NLGN1: variants seen among roughly 807,000 people sequenced by gnomAD.
The protein encoded by NLGN1 is neuroligin 1, also known as neuroligin-1.
NLGN1 carries 12 observed loss-of-function variants against 65.5 expected under a neutral mutation model. That is an observed-to-expected ratio of 0.18 (90% CI 0.12 to 0.30). The LOEUF is 0.30. NLGN1 is among the 10% of genes least tolerant of loss of function. The pLI is 1.00. For synonymous variants in NLGN1, 350 were observed against 359.5 expected, an observed-to-expected ratio of 0.97 and a Z score of 0.30; for missense variants, 750 against 1,007.1, an observed-to-expected ratio of 0.74 and a Z score of 3.46.
intron 4 of NLGN1, among the ~76,000 whole-genome samples, chr3:174,141,164 T>G (rs1253056288): frequency 6.6e-6 from 1 of 152,170 alleles, no homozygotes; most frequent in Non-Finnish European, 1.5e-5. Flanking sequence ...GTAATAGTTT[T>G]TACACTGTTT....
intron 4 of NLGN1, among the ~76,000 whole-genome samples, chr3:174,163,906 T>C (rs981493546): frequency 1.4e-4 from 21 of 152,104 alleles, no homozygotes; most frequent in African/African-American, 4.8e-4. Flanking sequence ...CAAGTGCATG[T>C]GTCTTTTTGG....
chr3:173,883,279 C>T (rs1360395398), intron 4 of NLGN1, among the ~76,000 whole-genome samples: 1 of 152,134 alleles, frequency 6.6e-6, no homozygotes, highest in East Asian at 1.9e-4. Flanking sequence ...AGGAAAGTCT[C>T]AAAAGGAGGC....
intron 4 of NLGN1, among the ~76,000 whole-genome samples, chr3:173,815,099 T>G (rs923434389): frequency 6.6e-6 from 1 of 150,744 alleles, no homozygotes; most frequent in African/African-American, 2.4e-5. Flanking sequence ...CTTCCTTCCT[T>G]CCTGCCTTCC....
chr3:173,735,838 A>T (rs939071174), intron 3 of NLGN1, among the ~76,000 whole-genome samples: 4 of 152,104 alleles, frequency 2.6e-5, no homozygotes, highest in African/African-American at 9.7e-5. Flanking sequence ...TAATTTTTTT[A>T]AAATACCTTT....
At position 174,134,080 on chromosome 3, in the gene NLGN1, G is replaced by A. The variant is rs139589530; in HGVS notation, c.647-141235G>A. Among the ~76,000 whole-genome samples, 573 of 152,148 alleles carry A rather than the reference G, an allele frequency of 3.8e-3. 2 individuals are homozygous for A. The highest frequency in any genetic ancestry group is 0.013 in the African/African-American group (533 of 41,526). On this transcript the variant is annotated intron_variant, in intron 4 of 6. Transcript: ENST00000457714. ...CCTCCTCCTCAGCTTTAATCTTGAA[G>A]GTGAAGGAAAAAGACAAATTATATT...
intron 4 of NLGN1, among the ~76,000 whole-genome samples, chr3:173,902,822 A>C (rs1017776899): frequency 2.6e-5 from 4 of 152,142 alleles, no homozygotes; most frequent in Admixed American, 6.6e-5. Flanking sequence ...AGGAGCATTC[A>C]TTTAGCAAAA....
chr3:173,629,767 T>C (rs1755383856), intron 3 of NLGN1, among the ~76,000 whole-genome samples: 1 of 152,132 alleles, frequency 6.6e-6, no homozygotes, highest in South Asian at 2.1e-4. Flanking sequence ...CTGTTATAAA[T>C]GTATATCTCT....
chr3:173,396,702 G>A (rs1458048466), upstream of NLGN1: 1 of 152,196 alleles, frequency 6.6e-6, no homozygotes. Context: ...AAAGGTAAGG[G>A]AGCTTCCTGC....
Position 173,792,034 on chromosome 3 carries a change from G to A in NLGN1, c.494-15646G>A, listed in dbSNP as rs576271788. Among the ~76,000 whole-genome samples, 30 of 152,210 alleles carry A rather than the reference G, an allele frequency of 2.0e-4. No individual in the cohort carries two copies. The South Asian group carries it at 6.2e-3, about 32-fold the overall frequency. The stretch of plus-strand genomic sequence containing the variant: ...TAGACAGAGGCAGAGAGAGAAAGGG[G>A]CAGAGAATTGTGTCCCCGAAATACT... On this transcript the variant is annotated intron_variant, in intron 3 of 6. Transcript: ENST00000457714.
intron 3 of NLGN1, among the ~76,000 whole-genome samples, chr3:173,707,560 T>C (rs140187998): frequency 2.7e-4 from 41 of 152,170 alleles, no homozygotes; most frequent in Non-Finnish European, 5.1e-4. Flanking sequence ...AGAAAGTAAA[T>C]AAGAAGACTG....
chr3:173,536,556 C>T (rs1737470878), intron 2 of NLGN1, among the ~76,000 whole-genome samples: 1 of 152,204 alleles, frequency 6.6e-6, no homozygotes, highest in Non-Finnish European at 1.5e-5. Flanking sequence ...GCCTCTACTC[C>T]AAACTCACTG....
intron 2 of NLGN1, among the ~76,000 whole-genome samples, chr3:173,511,730 A>AT (rs145275361): frequency 0.011 from 1,726 of 151,432 alleles, 35 homozygotes; most frequent in African/African-American, 0.04. Context: ...AAGCTCAGAG[A>AT]TTTTTTTCCT....
At chr3:174,275,845 GT>G (rs1296125478) in intron 5 of NLGN1, among the ~76,000 whole-genome samples, 2 of 151,814 alleles carry the variant, frequency 1.3e-5, no homozygotes, top group Non-Finnish European at 2.9e-5. Context: ...TGTCATCTTT[GT>G]TTATTCAGTG....
intron 4 of NLGN1, among the ~76,000 whole-genome samples, chr3:174,023,590 T>G (rs889371886): frequency 6.6e-6 from 1 of 152,184 alleles, no homozygotes; most frequent in Non-Finnish European, 1.5e-5. Flanking sequence ...TTAAATTCTC[T>G]GCCCTCTGCA....
intron 4 of NLGN1, among the ~76,000 whole-genome samples, chr3:174,254,919 A>C (rs535974918): frequency 6.6e-6 from 1 of 152,286 alleles, no homozygotes; most frequent in African/African-American, 2.4e-5. Context: ...TATTTTAACT[A>C]CTTTTTTTCC....
intron 3 of NLGN1, among the ~76,000 whole-genome samples, chr3:173,653,094 T>G (rs759895332): frequency 9.2e-5 from 14 of 152,216 alleles, no homozygotes; most frequent in Non-Finnish European, 1.6e-4. Flanking sequence ...TATTTTGTAT[T>G]CTGAAACTTC....
rs1391112818 is a variant in NLGN1, at chr3:174,255,660, T to TTTATTTA, written c.647-19652_647-19646dup. Among the ~76,000 whole-genome samples, 138 of 150,664 alleles carry TTTATTTA rather than the reference T, an allele frequency of 9.2e-4. 2 individuals carry two copies. The Middle Eastern group carries it at 0.02, about 22-fold the overall frequency. On this transcript the variant is annotated intron_variant, in intron 4 of 6. Transcript: ENST00000457714. The stretch of plus-strand genomic sequence containing the variant: ...TTCTATTTATTTATTTATTTATTTA[T>TTTATTTA]TTATTTATTTATTTTTGAGATAGGG...
At chr3:173,731,568 T>C (rs1008228528) in intron 3 of NLGN1, among the ~76,000 whole-genome samples, 1 of 152,116 alleles carries the variant, frequency 6.6e-6, no homozygotes, top group Admixed American at 6.6e-5. Context: ...CAGCAGGCTC[T>C]CAGTAAAGGT....
At chr3:174,037,050 T>G (rs1381990630) in intron 4 of NLGN1, among the ~76,000 whole-genome samples, 2 of 152,202 alleles carry the variant, frequency 1.3e-5, no homozygotes, top group African/African-American at 4.8e-5. Flanking sequence ...TAAATAGTGC[T>G]TCAATGAACA....
Sources: allele counts gnomAD v4.1 joint callset (sites outside exome capture counted in the v4.1 genomes callset), GRCh38; gene constraint gnomAD v4.1.1; transcripts MANE v1.5; gene names NCBI Gene and HGNC (gene_info 2026-07-23, HGNC 2026-07-21).